ITGAV: variants seen among roughly 807,000 people sequenced by gnomAD.
ITGAV encodes the protein integrin subunit alpha V.
Under a neutral mutation model 143.8 loss-of-function variants are expected in ITGAV, and 76 were observed. The ratio of observed to expected loss-of-function variants is 0.53; its 90% CI spans 0.44 to 0.64. The LOEUF (loss-of-function observed/expected upper bound fraction) is 0.64, where lower values mean the gene tolerates loss of function less well. Among genes scored for constraint, ITGAV ranks in the 30% least tolerant of loss-of-function variants. The probability of loss-of-function intolerance (pLI) is 0.00; values close to 1 mark genes in which losing one functional copy is unlikely to be tolerated. For synonymous variants in ITGAV, 453 were observed against 446.7 expected (o/e 1.01, Z -0.18); for missense variants, 1,193 against 1,274.7 (o/e 0.94, Z 0.98).
In ITGAV at chr2:186,677,133, C is replaced by T. The variant is rs913199285; in HGVS notation, c.3052-64C>T. The T allele has an allele frequency of 3.4e-5, 50 of 1,450,850 alleles. 1 individual carries two copies. In the Middle Eastern group the frequency reaches 4.0e-3, roughly 116 times the overall value. 89.9% of individuals were successfully genotyped at this position (1,450,850 alleles called of 1,614,324 possible). A position where few individuals can be genotyped will look rare whatever the true frequency, so the allele number is the denominator to read the frequency against. ...TGTTCTTAGTGGTAATATAGTCACCCAAAAAATACTTTTCGTATTCTACAC... is the reference window on the plus strand; with the variant it reads ...TGTTCTTAGTGGTAATATAGTCACCTAAAAAATACTTTTCGTATTCTACAC... On this transcript the variant is annotated intron_variant, in intron 29 of 29. Coordinates refer to ENST00000261023, the MANE Select transcript of ITGAV (RefSeq NM_002210.5).
chr2:186,651,579 G>GT (rs571167937), intron 14 of ITGAV, among the ~76,000 whole-genome samples: 9 of 150,796 alleles, frequency 6.0e-5, no homozygotes, highest in African/African-American at 1.2e-4. Context: ...TACTTTTTGG[G>GT]TTTTTTTTTC....
chr2:186,669,935 T>C (rs1470008621), intron 26 of ITGAV, 121 bp downstream of exon 26: 18 of 697,262 alleles, frequency 2.6e-5, no homozygotes, highest in Non-Finnish European at 2.8e-5. Context: ...TTTATTTTTA[T>C]ACCATGCATT....
intron 2 of ITGAV, among the ~76,000 whole-genome samples, chr2:186,613,990 G>A (rs1334295900): frequency 1.3e-5 from 2 of 152,048 alleles, no homozygotes; most frequent in African/African-American, 4.8e-5. Flanking sequence ...AAAGAAAGAA[G>A]AGCTTGTGTG....
intron 8 of ITGAV, 88 bp from the exon 9 acceptor site, chr2:186,638,185 AAAAC>A (rs1211152246): frequency 4.4e-6 from 5 of 1,124,492 alleles, no homozygotes; most frequent in Non-Finnish European, 1.3e-6. Flanking sequence ...CTGAAGTAGT[AAAAC>A]TTAAAGCTTG....
rs751267868 is a variant in ITGAV, at chr2:186,669,755, C to T, written c.2647C>T (p.Arg883Trp). ...TGACACGGTTGCCGGGCAAGGTGAG[C>T]GGGACCATCTCATCACTAAGCGGGA... ...KNDTVAGQGE[R>W]DHLITKRDLA... The change falls in exon 26 of 30, where the codon CGG becomes TGG. Residue 883 changes from arginine to tryptophan, a missense_variant. By Grantham distance (101) the Arg-to-Trp change is moderately radical. Coordinates refer to ENST00000261023, the MANE Select transcript of ITGAV (RefSeq NM_002210.5). The T allele has an allele frequency of 1.9e-5, 31 of 1,613,902 alleles. No individual in the cohort carries two copies. The highest frequency in any genetic ancestry group is 4.4e-5 in the South Asian group (4 of 91,064).
At chr2:186,616,273 ATTTTTT>A (rs35938539) in intron 2 of ITGAV, among the ~76,000 whole-genome samples, 1 of 79,694 alleles carries the variant, frequency 1.3e-5, no homozygotes, top group South Asian at 5.3e-4. Context: ...GATATACCTT[ATTTTTT>A]TTTTTTTTTT....
chr2:186,675,046 G>A (rs961741872), intron 26 of ITGAV, among the ~76,000 whole-genome samples: 1 of 152,150 alleles, frequency 6.6e-6, no homozygotes, highest in Non-Finnish European at 1.5e-5. Flanking sequence ...GTATATATGT[G>A]ATATGTCTAA....
intron 9 of ITGAV, 28 bp downstream of exon 9, chr2:186,638,348 A>C: frequency 3.1e-6 from 5 of 1,611,482 alleles, no homozygotes; most frequent in Non-Finnish European, 4.2e-6. Flanking sequence ...TATTTTTTAA[A>C]AAATCTCTAA....
At position 186,667,761 on chromosome 2, in the gene ITGAV, T is replaced by C; in HGVS notation, c.2418T>C (p.Val806=). The C allele has an allele frequency of 6.2e-7, 1 of 1,608,812 alleles. No individual in the cohort carries two copies. Among genetic ancestry groups the C allele is most frequent in the South Asian group, 1.1e-5 (1 of 90,432 alleles). Residue 806 remains valine (V), a synonymous_variant, in exon 24 of 30, where the codon GTT becomes GTC. Transcript: ENST00000261023. ...CTGAAGAAGATGTTGGGCCAGTTGT[T>C]CAGCACATCTATGAGGTTTGCAGTT... ...PETEEDVGPV[V]QHIYELRNNG...
intron 19 of ITGAV, 75 bp from the exon 20 acceptor site, chr2:186,664,418 CT>C: frequency 7.1e-7 from 1 of 1,400,730 alleles, no homozygotes; most frequent in Non-Finnish European, 9.9e-7. Flanking sequence ...GTATTTATCT[CT>C]TCTTTCTTTG....
chr2:186,663,960 T>C, intron 19 of ITGAV, 125 bp downstream of exon 19: 1 of 660,474 alleles, frequency 1.5e-6, no homozygotes, highest in Non-Finnish European at 2.7e-6. Flanking sequence ...TGATTTTCTA[T>C]AACACTAAAA....
In ITGAV at chr2:186,671,546, T is replaced by G. The variant is rs1689062736; in HGVS notation, c.2706+1732T>G. 2.0e-5 allele frequency among the ~76,000 whole-genome samples: 3 copies of G among 152,166 alleles called. No individual in the cohort carries two copies. The South Asian group carries it at 6.2e-4, about 31-fold the overall frequency. Reference sequence around the variant, plus strand: ...TGACCAACCCATGTGAAATAGAAACTGCCTTCTACCTCCCAACCCCACTTT... The same window carrying G: ...TGACCAACCCATGTGAAATAGAAACGGCCTTCTACCTCCCAACCCCACTTT... On this transcript the variant is annotated intron_variant, in intron 26 of 29. Transcript: ENST00000261023.
At chr2:186,600,303 AC>A in intron 1 of ITGAV, 2 of 1,396,884 alleles carry the variant, frequency 1.4e-6, no homozygotes, top group Non-Finnish European at 1.9e-6. Flanking sequence ...CCTCATCCCC[AC>A]CCCCCACTCC....
chr2:186,673,332 C>G (rs548341192), intron 26 of ITGAV, among the ~76,000 whole-genome samples: 34 of 152,244 alleles, frequency 2.2e-4, no homozygotes, highest in African/African-American at 7.9e-4. Flanking sequence ...CTCTGGAGTT[C>G]AGGTTTTGAA....
At chr2:186,669,668 T>G in intron 25 of ITGAV, 33 bp from the exon 26 acceptor site, 2 of 1,425,310 alleles carry the variant, frequency 1.4e-6, no homozygotes, top group Non-Finnish European at 2.0e-6. Flanking sequence ...TTCATTATCA[T>G]TTACCACCAT....
At position 186,591,635 on chromosome 2, in the gene ITGAV, G is replaced by T. The variant is rs148010576; in HGVS notation, c.185+1112G>T. Among the ~76,000 whole-genome samples the T allele has an allele frequency of 4.6e-5, 7 of 152,242 alleles. No individual in the cohort carries two copies. In the East Asian group the frequency reaches 1.3e-3, roughly 29 times the overall value. On this transcript the variant is annotated intron_variant, in intron 1 of 29. Transcript: ENST00000261023. ...TACTACACACATGCCTAATTTGAGG[G>T]TGGTCTCAATGGTTTTCTATGACTG... is the stretch of plus-strand genomic sequence containing the variant.
At chr2:186,672,553 C>T (rs1382186211) in intron 26 of ITGAV, among the ~76,000 whole-genome samples, 1 of 152,156 alleles carries the variant, frequency 6.6e-6, no homozygotes, top group East Asian at 1.9e-4. Flanking sequence ...ATATGAGGGT[C>T]CTATTTTCTC....
chr2:186,667,231 G>A lies in ITGAV; in HGVS notation c.2327+1G>A. ...TTTTAGCTGCAGTTGAGATAAGAGG[G>A]TCAGTATGAATACTTAGTTGAGTAT... is the stretch of plus-strand genomic sequence containing the variant. On this transcript the variant is annotated splice_donor_variant, in intron 23 of 29. Transcript: ENST00000261023. LOFTEE classifies it high-confidence loss of function. 1 of 1,600,412 alleles carries A rather than the reference G, an allele frequency of 6.2e-7. No individual in the cohort carries two copies. The highest frequency in any genetic ancestry group is 1.1e-5 in the South Asian group (1 of 90,602).
Position 186,654,703 on chromosome 2 carries a change from A to G in ITGAV, c.1559A>G (p.Lys520Arg). The G allele has an allele frequency of 6.7e-7, 1 of 1,490,104 alleles. No homozygotes were observed. The highest frequency in any genetic ancestry group is 2.3e-5 in the East Asian group (1 of 44,080). 92.3% of individuals were successfully genotyped at this position (1,490,104 alleles called of 1,614,324 possible). ...KADGKGVLPR[K>R]LNFQVELLLD... is the part of the protein sequence containing the mutation. ...GATGGCAAAGGAGTACTTCCCAGGA[A>G]ACTTAGTAAGTGTTCTATGAAAAAT... Residue 520 changes from lysine (K) to arginine (R), a missense_variant, in exon 16 of 30, where the codon AAA becomes AGA. Coordinates refer to ENST00000261023, the MANE Select transcript of ITGAV (RefSeq NM_002210.5).
Sources: allele counts gnomAD v4.1 joint callset (sites outside exome capture counted in the v4.1 genomes callset), GRCh38; gene constraint gnomAD v4.1.1; transcripts MANE v1.5; gene names NCBI Gene and HGNC (gene_info 2026-07-23, HGNC 2026-07-21).